RIC1: variants seen among roughly 807,000 people sequenced by gnomAD.
The protein encoded by RIC1 is RIC1 partner of RAB6A GEF complex, also known as guanine nucleotide exchange factor subunit RIC1.
Under a neutral mutation model 169.0 loss-of-function variants are expected in RIC1, and 88 were observed. The ratio of observed to expected loss-of-function variants is 0.52; its 90% CI spans 0.44 to 0.62. RIC1 has a LOEUF of 0.62. RIC1 is among the 20% of genes least tolerant of loss of function. RIC1 has a pLI of 0.00. For synonymous variants in RIC1, 790 were observed against 601.5 expected (o/e 1.31, Z -4.59); for missense variants, 1,877 against 1,725.5 (o/e 1.09, Z -1.56).
Position 5,774,011 on chromosome 9 carries a change from G to C in RIC1, c.4037G>C (p.Ser1346Thr), listed in dbSNP as rs1355465035. Residue 1346 changes from serine (S) to threonine (T), a missense_variant, in exon 26 of 26, where the codon AGT (serine) becomes ACT (threonine). This residue lies in a region of RIC1 where 681 missense variants were observed against 582.0 expected (regional missense o/e 1.17). Transcript: ENST00000414202. Reference protein sequence around the residue: ...NIIKPQLQKLSEITEEQVQPD... With the variant: ...NIIKPQLQKLTEITEEQVQPD... Reference sequence around the variant, plus strand: ...ATTAAGCCACAACTGCAGAAGCTCAGTGAGATAACAGAAGAGCAGGTCCAG... The same window carrying C: ...ATTAAGCCACAACTGCAGAAGCTCACTGAGATAACAGAAGAGCAGGTCCAG... The C allele has an allele frequency of 6.2e-7, 1 of 1,613,672 alleles. No individual in the cohort carries two copies. The highest frequency in any genetic ancestry group is 2.2e-5 in the East Asian group (1 of 44,880).
chr9:5,769,513 T>C, intron 22 of RIC1: 1 of 1,303,790 alleles, frequency 7.7e-7, no homozygotes. Flanking sequence ...ATAAAGAAGT[T>C]GAGAACTGCC....
chr9:5,635,847 T>G (rs1817947849), intron 1 of RIC1, among the ~76,000 whole-genome samples: 1 of 152,224 alleles, frequency 6.6e-6, no homozygotes, highest in African/African-American at 2.4e-5. Context: ...AGTGCCTGCT[T>G]CCCCTTCTGC....
At chr9:5,682,005 T>A (rs1820875032) in intron 2 of RIC1, among the ~76,000 whole-genome samples, 1 of 152,216 alleles carries the variant, frequency 6.6e-6, no homozygotes, top group Non-Finnish European at 1.5e-5. Context: ...GTTTTCCATT[T>A]GTTTGGTAGA....
intron 2 of RIC1, among the ~76,000 whole-genome samples, chr9:5,678,945 C>T (rs544235146): frequency 1.3e-5 from 2 of 151,230 alleles, no homozygotes; most frequent in South Asian, 4.2e-4. Flanking sequence ...ATGGTATTGC[C>T]TAGGTTTTCT....
rs149557034 is a variant in RIC1 at position 5,665,990 on chromosome 9, A to G, written c.252+9300A>G. 4.7e-3 allele frequency among the ~76,000 whole-genome samples: 714 copies of G among 152,240 alleles called. 3 individuals are homozygous for G. Among genetic ancestry groups the G allele is most frequent in the African/African-American group, 0.016 (658 of 41,550 alleles). ...TGTTGGGGATTCCTTCAGCCCCCCA[A>G]TTGGTATGGGCTCTCCAGGACCCAC... is the stretch of plus-strand genomic sequence containing the variant. On this transcript the variant is annotated intron_variant, in intron 2 of 25. Coordinates refer to ENST00000414202, the MANE Select transcript of RIC1 (RefSeq NM_020829.4).
intron 2 of RIC1, among the ~76,000 whole-genome samples, chr9:5,664,326 T>C (rs1819629262): frequency 6.6e-6 from 1 of 152,028 alleles, no homozygotes; most frequent in Non-Finnish European, 1.5e-5. Flanking sequence ...GGCAGGAGAA[T>C]TGCTTGAACC....
intron 6 of RIC1, among the ~76,000 whole-genome samples, chr9:5,731,242 G>A (rs1039908478): frequency 1.3e-5 from 2 of 152,016 alleles, no homozygotes; most frequent in Non-Finnish European, 2.9e-5. Context: ...CTGGTGAATG[G>A]TAACCACCTA....
chr9:5,772,069 A>G (rs1379359216), intron 23 of RIC1, among the ~76,000 whole-genome samples: 1 of 152,220 alleles, frequency 6.6e-6, no homozygotes, highest in Admixed American at 6.5e-5. Context: ...AATTTTGTAT[A>G]GGTTAAGATT....
At chr9:5,732,616 T>C (rs1824440387) in intron 7 of RIC1, 137 bp downstream of exon 7, 1 of 503,650 alleles carries the variant, frequency 2.0e-6, no homozygotes, top group Non-Finnish European at 3.5e-6. Flanking sequence ...AACCTTAATA[T>C]GAAATGTAAA....
At chr9:5,759,330 C>G (rs977474841) in intron 17 of RIC1, among the ~76,000 whole-genome samples, 1 of 152,106 alleles carries the variant, frequency 6.6e-6, no homozygotes, top group Non-Finnish European at 1.5e-5. Flanking sequence ...AAATCTTGAA[C>G]CCAAATCAAA....
intron 2 of RIC1, among the ~76,000 whole-genome samples, chr9:5,659,881 T>C (rs1226726884): frequency 1.3e-5 from 2 of 152,186 alleles, no homozygotes; most frequent in Non-Finnish European, 2.9e-5. Flanking sequence ...GTAGGATGTG[T>C]GGGTTTGTTG....
intron 2 of RIC1, among the ~76,000 whole-genome samples, chr9:5,660,944 G>T (rs949611286): frequency 2.6e-5 from 4 of 151,970 alleles, no homozygotes; most frequent in African/African-American, 9.7e-5. Flanking sequence ...TGTCCCAAAT[G>T]GTATTGTCTA....
intron 7 of RIC1, among the ~76,000 whole-genome samples, chr9:5,736,246 C>G (rs932299608): frequency 1.3e-5 from 2 of 152,156 alleles, no homozygotes; most frequent in Admixed American, 6.6e-5. Context: ...TCTATTTGGG[C>G]AGGTAGTCTG....
intron 1 of RIC1, among the ~76,000 whole-genome samples, chr9:5,630,916 C>G (rs960768833): frequency 1.3e-5 from 2 of 152,128 alleles, no homozygotes; most frequent in Non-Finnish European, 2.9e-5. Context: ...AAAAATAGAA[C>G]TTGAATTTAA....
chr9:5,762,079 G>A (rs946815823), intron 17 of RIC1, among the ~76,000 whole-genome samples: 1 of 152,084 alleles, frequency 6.6e-6, no homozygotes, highest in African/African-American at 2.4e-5. Context: ...TTCTCATAAT[G>A]TCCCTAGTCT....
At position 5,765,474 on chromosome 9, in the gene RIC1, G is replaced by C. The variant is rs774871452; in HGVS notation, c.2902G>C (p.Glu968Gln). The C allele has an allele frequency of 1.9e-6, 3 of 1,614,038 alleles. No individual in the cohort carries two copies. Among genetic ancestry groups the C allele is most frequent in the South Asian group, 1.1e-5 (1 of 91,086 alleles). ...HATLLFNTAL[E>Q]QGKWDLCRHM... ...TACCCTTCTATTCAACACAGCACTA[G>C]AACAAGGCAAGTGGGACCTTTGTCG... The change falls in exon 20 of 26, where the codon GAA (glutamate) becomes CAA (glutamine). Residue 968 changes from glutamate (E) to glutamine (Q), a missense_variant. This residue lies in a region of RIC1 where 681 missense variants were observed against 582.0 expected (regional missense o/e 1.17). Coordinates refer to ENST00000414202, the MANE Select transcript of RIC1 (RefSeq NM_020829.4).
Position 5,657,777 on chromosome 9 carries a change from C to T in RIC1, c.252+1087C>T, listed in dbSNP as rs115684170. On this transcript the variant is annotated intron_variant, in intron 2 of 25. Transcript: ENST00000414202. ...ATGACTGACCATGTACCAAATATGCCCTGGTGCCTGTTTGTACACAGACCA... is the reference window on the plus strand; with the variant it reads ...ATGACTGACCATGTACCAAATATGCTCTGGTGCCTGTTTGTACACAGACCA... Among the ~76,000 whole-genome samples the T allele has an allele frequency of 5.5e-3, 833 of 152,136 alleles. 6 individuals carry two copies. The highest frequency in any genetic ancestry group is 0.019 in the African/African-American group (774 of 41,530).
At chr9:5,641,605 T>C (rs184431060) in intron 1 of RIC1, among the ~76,000 whole-genome samples, 1 of 152,222 alleles carries the variant, frequency 6.6e-6, no homozygotes, top group East Asian at 1.9e-4. Context: ...CACTGTTTTC[T>C]ATTCTTTTTT....
chr9:5,632,592 A>T (rs1280976502), intron 1 of RIC1, among the ~76,000 whole-genome samples: 1 of 150,860 alleles, frequency 6.6e-6, no homozygotes, highest in Admixed American at 6.6e-5. Context: ...AAATGGTGTT[A>T]AAAAAAGGCT....
Sources: allele counts gnomAD v4.1 joint callset (sites outside exome capture counted in the v4.1 genomes callset), GRCh38; gene constraint gnomAD v4.1.1; regional missense constraint gnomAD v4.1.1; transcripts MANE v1.5; gene names NCBI Gene and HGNC (gene_info 2026-07-23, HGNC 2026-07-21).